Variants in REPS2 observed in about 807,000 individuals in gnomAD.
REPS2 encodes RALBP1 associated Eps domain containing 2, also known as ralBP1-associated Eps domain-containing protein 2.
Under a neutral mutation model 53.6 loss-of-function variants are expected in REPS2, and 23 were observed. That is an observed-to-expected ratio of 0.43 (90% confidence interval 0.31 to 0.61). The LOEUF (loss-of-function observed/expected upper bound fraction) is 0.61, where lower values mean the gene tolerates loss of function less well. Among genes scored for constraint, REPS2 ranks in the 20% least tolerant of loss-of-function variants. The pLI is 0.11. For synonymous variants in REPS2, 238 were observed against 218.6 expected, an observed-to-expected ratio of 1.09 and a Z score of -0.78; for missense variants, 446 against 534.9, an observed-to-expected ratio of 0.83 and a Z score of 1.64.
intron 16 of REPS2, chrX:17,138,220 A>G (rs1473859406): frequency 8.9e-6 from 1 of 112,121 alleles, no homozygotes; most frequent in Non-Finnish European, 1.9e-5. Flanking sequence ...ATGCGTGGTC[A>G]CTCTGGTTAT....
intron 1 of REPS2, among the ~76,000 whole-genome samples, chrX:16,981,735 A>G (rs1226553666): frequency 8.9e-6 from 1 of 112,396 alleles, no homozygotes; most frequent in African/African-American, 3.2e-5. Flanking sequence ...GTGATCTGGA[A>G]AAAAAAGGAT....
intron 1 of REPS2, among the ~76,000 whole-genome samples, chrX:16,998,550 T>G (rs778004124): frequency 8.9e-6 from 1 of 112,040 alleles, no homozygotes; most frequent in African/African-American, 3.3e-5. Flanking sequence ...ATAAAGAGCT[T>G]CTTCTTTGTT....
chrX:17,146,144 A>G (rs2063511912), intron 17 of REPS2, among the ~76,000 whole-genome samples: 1 of 108,094 alleles, frequency 9.3e-6, no homozygotes, highest in African/African-American at 3.4e-5. Context: ...GAAACCCTCA[A>G]TGCCATCCCC....
In REPS2 at chrX:17,148,941, G is replaced by A. The variant is rs1237793953; in HGVS notation, c.*1460G>A. On this transcript the variant is annotated 3_prime_UTR_variant, in exon 18 of 18. Coordinates refer to ENST00000357277, the MANE Select transcript of REPS2 (RefSeq NM_004726.3). Reference sequence around the variant, plus strand: ...TTCAGCCTTTGATTTCAATAGAGCTGAGAGCTTTTAGAACAAGCAGGCATT... The same window carrying A: ...TTCAGCCTTTGATTTCAATAGAGCTAAGAGCTTTTAGAACAAGCAGGCATT... 2.7e-6 allele frequency: 1 copy of A among 373,433 alleles called. No individual in the cohort carries two copies. Among genetic ancestry groups the A allele is most frequent in the Non-Finnish European group, 5.2e-6 (1 of 192,304 alleles). 30.8% of individuals were successfully genotyped at this position (373,433 alleles called of 1,213,427 possible). A position where few individuals can be genotyped will look rare whatever the true frequency, so the allele number is the denominator to read the frequency against.
At chrX:17,010,574 T>A (rs1457680445) in intron 2 of REPS2, among the ~76,000 whole-genome samples, 3 of 111,844 alleles carry the variant, frequency 2.7e-5, no homozygotes, top group African/African-American at 9.8e-5. Context: ...TTTCACTATT[T>A]TTTTTGTCTG....
intron 14 of REPS2, among the ~76,000 whole-genome samples, chrX:17,108,250 C>T (rs986264898): frequency 4.6e-5 from 5 of 108,627 alleles, no homozygotes; most frequent in Non-Finnish European, 9.6e-5. Flanking sequence ...CTTGGCTCAC[C>T]GCAACCTCCA....
At chrX:17,187,822 T>C in the REPS2 span, among the ~76,000 whole-genome samples, 1 of 112,637 alleles carries the variant, frequency 8.9e-6, no homozygotes, top group Non-Finnish European at 1.9e-5. Context: ...CAATAATTGC[T>C]TAAGATTTTC....
intron 17 of REPS2, among the ~76,000 whole-genome samples, chrX:17,146,070 T>G (rs1239822984): frequency 9.5e-6 from 1 of 105,051 alleles, no homozygotes; most frequent in African/African-American, 3.5e-5. Context: ...GATCGCGCCA[T>G]TGCACTCCAG....
chrX:17,091,540 C>T (rs1025255940), intron 13 of REPS2, among the ~76,000 whole-genome samples: 6 of 111,830 alleles, frequency 5.4e-5, no homozygotes, highest in Admixed American at 4.8e-4. Context: ...TAAACTCTGT[C>T]GTTAATATTT....
At chrX:17,140,268 T>G (rs944772169) in intron 17 of REPS2, among the ~76,000 whole-genome samples, 3 of 111,226 alleles carry the variant, frequency 2.7e-5, no homozygotes, top group African/African-American at 9.8e-5. Context: ...TTCAGAAGAA[T>G]TCTACACAAT....
At chrX:17,123,013 A>G (rs1426279089) in intron 14 of REPS2, among the ~76,000 whole-genome samples, 2 of 112,301 alleles carry the variant, frequency 1.8e-5, no homozygotes, top group African/African-American at 3.2e-5. Flanking sequence ...TTGTATATAC[A>G]TTTGTTATTA....
chrX:17,177,588 A>T, the REPS2 span, among the ~76,000 whole-genome samples: 1 of 111,608 alleles, frequency 9.0e-6, no homozygotes, highest in East Asian at 2.8e-4. Flanking sequence ...GGTGTATGCA[A>T]AGGTCTGAGG....
At chrX:17,058,100 C>T (rs1433556613) in intron 8 of REPS2, among the ~76,000 whole-genome samples, 1 of 111,708 alleles carries the variant, frequency 9.0e-6, no homozygotes, top group Non-Finnish European at 1.9e-5. Context: ...CATGCCATGA[C>T]TCCTTATTTG....
At chrX:17,157,147 A>T (rs933553647), downstream of REPS2, among the ~76,000 whole-genome samples, 1 of 111,585 alleles carries the variant, frequency 9.0e-6, no homozygotes, top group African/African-American at 3.3e-5. Context: ...GCTCCAGGGG[A>T]CATTGTTCAT....
intron 4 of REPS2, among the ~76,000 whole-genome samples, chrX:17,028,715 T>C (rs973563752): frequency 8.9e-6 from 1 of 112,564 alleles, no homozygotes; most frequent in Non-Finnish European, 1.9e-5. Flanking sequence ...CTAATTTTAT[T>C]TGTAAGTAAG....
intron 1 of REPS2, among the ~76,000 whole-genome samples, chrX:16,968,628 C>T (rs757303105): frequency 2.6e-3 from 243 of 92,653 alleles, no homozygotes; most frequent in Middle Eastern, 7.8e-3. Flanking sequence ...CTGGATGGGG[C>T]GGCTGGCCGG....
At chrX:17,095,495 A>G (rs2062683881) in intron 13 of REPS2, among the ~76,000 whole-genome samples, 1 of 103,186 alleles carries the variant, frequency 9.7e-6, no homozygotes, top group Non-Finnish European at 2.0e-5. Flanking sequence ...TGTGGGAGAA[A>G]AAACTGCTCC....
intron 4 of REPS2, among the ~76,000 whole-genome samples, chrX:17,025,464 A>C (rs1473824741): frequency 8.9e-6 from 1 of 112,348 alleles, no homozygotes; most frequent in Admixed American, 9.5e-5. Flanking sequence ...ATTTTATTGA[A>C]TAGAACATAC....
At chrX:16,987,642 T>C (rs1352954234) in intron 1 of REPS2, among the ~76,000 whole-genome samples, 3 of 111,921 alleles carry the variant, frequency 2.7e-5, no homozygotes, top group Non-Finnish European at 1.9e-5. Context: ...CCTGCAGGCC[T>C]TATAGTCTCT....
Sources: allele counts gnomAD v4.1 joint callset (sites outside exome capture counted in the v4.1 genomes callset), GRCh38; gene constraint gnomAD v4.1.1; transcripts MANE v1.5; gene names NCBI Gene and HGNC (gene_info 2026-07-23, HGNC 2026-07-21).